The following PLPPR2 variants were observed in gnomAD, a reference collection of about 807,000 sequenced individuals.
PLPPR2 encodes phospholipid phosphatase-related protein type 2.
A neutral mutation model predicts 40.3 loss-of-function variants in PLPPR2; 11 were observed. The ratio of observed to expected loss-of-function variants is 0.27; its 90% CI spans 0.17 to 0.45. PLPPR2 has a LOEUF of 0.45. Among genes scored for constraint, PLPPR2 ranks in the 20% least tolerant of loss-of-function variants. The pLI is 1.00. For synonymous variants in PLPPR2, 260 were observed against 290.8 expected, an observed-to-expected ratio of 0.89 and a Z score of 1.08; for missense variants, 497 against 640.7, an observed-to-expected ratio of 0.78 and a Z score of 2.42.
chr19:11,357,478 G>A (rs986100537), intron 2 of PLPPR2, 182 bp from the exon 3 acceptor site: 23 of 474,168 alleles, frequency 4.9e-5, no homozygotes, highest in Admixed American at 2.7e-4. Flanking sequence ...AGGACCAACA[G>A]GGCAGGACCT....
At chr19:11,356,664 T>TTGTGTGTGTG (rs66994507) in intron 1 of PLPPR2, 138 bp from the exon 2 acceptor site, 4,200 of 145,990 alleles carry the variant, frequency 0.029, 161 homozygotes, top group African/African-American at 0.085. Context: ...TATGCCATGG[T>TTGTGTGTGTG]TGTGTGTGTG....
rs28688411 is a variant in PLPPR2 at position 11,364,940 on chromosome 19, T to C, written c.*250T>C. 2.9e-5 allele frequency: 16 copies of C among 548,960 alleles called. No homozygotes were observed. The highest frequency in any genetic ancestry group is 3.2e-5 in the Non-Finnish European group (10 of 313,662). The allele number at this position is 548,960 out of a possible 1,614,324, so 34.0% of individuals were successfully genotyped here. ...TTTTAAGGGCCAAAGCTTGACCCCATTGGCCATTGCCTGGCTAATGAGAAC... is the reference window on the plus strand; with the variant it reads ...TTTTAAGGGCCAAAGCTTGACCCCACTGGCCATTGCCTGGCTAATGAGAAC... On this transcript the variant is annotated 3_prime_UTR_variant, in exon 10 of 10. Transcript: ENST00000688289. This position sits in a 1 kb window ranked among gnomAD's most constrained non-coding sequence, Gnocchi z 5.8.
In PLPPR2 at chr19:11,362,867, C is replaced by T. The variant is rs1968089765; in HGVS notation, c.840+178C>T. Among the ~76,000 whole-genome samples, 1 of 152,194 alleles carries T rather than the reference C, an allele frequency of 6.6e-6. No homozygotes were observed. Among genetic ancestry groups the T allele is most frequent in the African/African-American group, 2.4e-5 (1 of 41,444 alleles). On this transcript the variant is annotated intron_variant, in intron 7 of 9. Coordinates refer to ENST00000688289, the MANE Select transcript of PLPPR2 (RefSeq NM_001393892.1). The surrounding 1 kb of genome is among the most constrained non-coding windows in gnomAD (Gnocchi z 5.3). ...ATGAGATACCAGGATCAGGGTGAGGCAAGGCCTTGAATGCAAATTTTAAGA... is the reference window on the plus strand; with the variant it reads ...ATGAGATACCAGGATCAGGGTGAGGTAAGGCCTTGAATGCAAATTTTAAGA...
intron 5 of PLPPR2, 142 bp downstream of exon 5, chr19:11,360,098 C>T (rs1293800552): frequency 8.4e-7 from 1 of 1,184,594 alleles, no homozygotes; most frequent in Non-Finnish European, 1.1e-6. Context: ...TGTGGGAGGC[C>T]AAGTGGGCGA....
Position 11,362,671 on chromosome 19 carries a change from G to A in PLPPR2, c.822G>A (p.Ala274=), listed in dbSNP as rs781526114. ...TGCTGGCTGGCTTCCTGACAGGGGC[G>A]GCCATCGCCACCTTTTTGGTGAGTT... ...SDVLAGFLTG[A]AIATFLVTCV... The change falls in exon 7 of 10, where the codon GCG becomes GCA. Residue 274 remains alanine (A), a synonymous_variant. Transcript: ENST00000688289. The surrounding 1 kb of genome is among the most constrained non-coding windows in gnomAD (Gnocchi z 5.3). 6.2e-6 allele frequency: 10 copies of A among 1,612,554 alleles called. No homozygotes were observed. Among genetic ancestry groups the A allele is most frequent in the African/African-American group, 1.3e-5 (1 of 74,908 alleles).
chr19:11,356,986 G>A lies in PLPPR2; in HGVS notation c.-15+10G>A. 6.5e-6 allele frequency: 1 copy of A among 153,178 alleles called. No homozygotes were observed. The highest frequency in any genetic ancestry group is 1.5e-5 in the Non-Finnish European group (1 of 68,386). The allele number at this position is 153,178 out of a possible 1,614,324, so 9.5% of individuals were successfully genotyped here. ...TAGGGCGCTTTCACAGGTGAGATGGGGCTGGGAGAATGGATGCAAGCAGGT... is the reference window on the plus strand; with the variant it reads ...TAGGGCGCTTTCACAGGTGAGATGGAGCTGGGAGAATGGATGCAAGCAGGT... On this transcript the variant is annotated intron_variant, in intron 2 of 9. Transcript: ENST00000688289.
intron 3 of PLPPR2, among the ~76,000 whole-genome samples, chr19:11,358,174 C>T (rs1967946411): frequency 6.6e-6 from 1 of 152,102 alleles, no homozygotes; most frequent in South Asian, 2.1e-4. Context: ...CCTACCTCAG[C>T]GTCCCGAGTA....
Position 11,361,156 on chromosome 19 carries a change from A to T in PLPPR2, c.392-61A>T. The T allele has an allele frequency of 6.5e-7, 1 of 1,532,910 alleles. No individual in the cohort carries two copies. Among genetic ancestry groups the T allele is most frequent in the Non-Finnish European group, 8.8e-7 (1 of 1,139,826 alleles). The allele number at this position is 1,532,910 out of a possible 1,614,324, so 95.0% of individuals were successfully genotyped here. A position where few individuals can be genotyped will look rare whatever the true frequency, so the allele number is the denominator to read the frequency against. ...CAGGAAAAGGGAGCTAAGAGGCCCA[A>T]TGGAATCAGTGGGAGCATCAGGGCC... On this transcript the variant is annotated intron_variant, in intron 5 of 9. Transcript: ENST00000688289. The surrounding 1 kb of genome is among the most constrained non-coding windows in gnomAD (Gnocchi z 6.3).
At chr19:11,360,133 C>T (rs989859734) in intron 5 of PLPPR2, among the ~76,000 whole-genome samples, 177 bp downstream of exon 5, 3 of 152,162 alleles carry the variant, frequency 2.0e-5, no homozygotes, top group African/African-American at 7.2e-5. Context: ...GAGTTCAGGA[C>T]CAGCCTGGCC....
At chr19:11,357,806 C>T in intron 3 of PLPPR2, 67 bp downstream of exon 3, 3 of 1,297,132 alleles carry the variant, frequency 2.3e-6, no homozygotes, top group Non-Finnish European at 3.2e-6. Context: ...CCTCAGTCTC[C>T]TTATCTGTAC....
In PLPPR2 at chr19:11,361,996, C is replaced by CT. The variant is rs1271375075; in HGVS notation, c.663+509dup. ...CTTAACTGCTCTGGGATTTCTAACT[C>CT]TGTCCCCTGCTTTTTCCTGGTCACA... On this transcript the variant is annotated intron_variant, in intron 6 of 9. Coordinates refer to ENST00000688289, the MANE Select transcript of PLPPR2 (RefSeq NM_001393892.1). The surrounding 1 kb of genome is among the most constrained non-coding windows in gnomAD (Gnocchi z 6.3). Among the ~76,000 whole-genome samples the CT allele has an allele frequency of 6.6e-6, 1 of 152,142 alleles. No homozygotes were observed. Among genetic ancestry groups the CT allele is most frequent in the Non-Finnish European group, 1.5e-5 (1 of 68,010 alleles).
Position 11,363,847 on chromosome 19 carries a change from CG to C in PLPPR2, c.963+17del. The C allele has an allele frequency of 3.7e-6, 6 of 1,611,196 alleles. No individual in the cohort carries two copies. Among genetic ancestry groups the C allele is most frequent in the Non-Finnish European group, 4.2e-6 (5 of 1,178,418 alleles). On this transcript the variant is annotated intron_variant, in intron 8 of 9. Transcript: ENST00000688289. The surrounding 1 kb of genome is among the most constrained non-coding windows in gnomAD (Gnocchi z 4.8). ...TAAGTGTGGCGCAGGTAAGGGGGGC[CG>C]GGGGCTGCTCCCGGCTGGAGAGGGT...
In PLPPR2 at chr19:11,359,071, G is replaced by C. The variant is rs1181067582; in HGVS notation, c.67-461G>C. ...TTTCCTTTCTTTTTTTTCTGAGACAGGGTCTCCCTCTGTCACCCAGGCTGG... is the reference window on the plus strand; with the variant it reads ...TTTCCTTTCTTTTTTTTCTGAGACACGGTCTCCCTCTGTCACCCAGGCTGG... On this transcript the variant is annotated intron_variant, in intron 3 of 9. Transcript: ENST00000688289. The surrounding 1 kb of genome is among the most constrained non-coding windows in gnomAD (Gnocchi z 5.6). 6.6e-6 allele frequency among the ~76,000 whole-genome samples: 1 copy of C among 151,386 alleles called. No homozygotes were observed. Among genetic ancestry groups the C allele is most frequent in the African/African-American group, 2.4e-5 (1 of 41,146 alleles).
rs770838875 is a variant in PLPPR2, at chr19:11,362,707, C to G, written c.840+18C>G. The stretch of plus-strand genomic sequence containing the variant: ...CCTTTTTGGTGAGTTGCCTCCTCAA[C>G]CTTCCCAGCATGGAAGACCCTCACC... On this transcript the variant is annotated intron_variant, in intron 7 of 9. Coordinates refer to ENST00000688289, the MANE Select transcript of PLPPR2 (RefSeq NM_001393892.1). This position sits in a 1 kb window ranked among gnomAD's most constrained non-coding sequence, Gnocchi z 5.3. The G allele has an allele frequency of 1.2e-6, 2 of 1,605,026 alleles. No homozygotes were observed. The highest frequency in any genetic ancestry group is 1.7e-6 in the Non-Finnish European group (2 of 1,174,782).
At chr19:11,360,562 T>C (rs1186854458) in intron 5 of PLPPR2, among the ~76,000 whole-genome samples, 2 of 152,046 alleles carry the variant, frequency 1.3e-5, no homozygotes, top group Admixed American at 1.3e-4. Flanking sequence ...GGGTGGGGCC[T>C]AACCCAACCA....
intron 1 of PLPPR2, among the ~76,000 whole-genome samples, chr19:11,356,222 T>A (rs1266983073): frequency 6.6e-6 from 1 of 152,038 alleles, no homozygotes; most frequent in African/African-American, 2.4e-5. Context: ...ACTGTTGGTG[T>A]GAATAAGAGA....
chr19:11,358,877 G>A (rs1696049619), intron 3 of PLPPR2, among the ~76,000 whole-genome samples: 1 of 151,892 alleles, frequency 6.6e-6, no homozygotes, highest in Non-Finnish European at 1.5e-5. Context: ...ACCATACCCA[G>A]CTAATTTTTG....
At chr19:11,358,690 TTTTC>T (rs1967961430) in intron 3 of PLPPR2, among the ~76,000 whole-genome samples, 1 of 150,550 alleles carries the variant, frequency 6.6e-6, no homozygotes, top group Non-Finnish European at 1.5e-5. Flanking sequence ...CACTTCTTCC[TTTTC>T]TTTCTTTCCC....
In PLPPR2 at chr19:11,361,557, C is replaced by T. The variant is rs1968046385; in HGVS notation, c.663+69C>T. On this transcript the variant is annotated intron_variant, in intron 6 of 9. Coordinates refer to ENST00000688289, the MANE Select transcript of PLPPR2 (RefSeq NM_001393892.1). The surrounding 1 kb of genome is among the most constrained non-coding windows in gnomAD (Gnocchi z 6.3). The stretch of plus-strand genomic sequence containing the variant: ...GGACAGCGACCAGCAGCTAGGAAGC[C>T]GCCAGGGTTGGAGCCTCTGCTCTTC... The T allele has an allele frequency of 2.6e-6, 4 of 1,534,602 alleles. No individual in the cohort carries two copies. Among genetic ancestry groups the T allele is most frequent in the African/African-American group, 1.4e-5 (1 of 73,546 alleles).
Sources: gnomAD v4.1 joint callset for allele counts (sites outside exome capture counted in the v4.1 genomes callset) on GRCh38, gnomAD v4.1.1 for gene constraint, Gnocchi (gnomAD v3.1) non-coding constraint, MANE v1.5 for transcripts, NCBI Gene and HGNC (gene_info 2026-07-23, HGNC 2026-07-21) for gene names.